Variants in CACNA2D3 observed in about 807,000 individuals in gnomAD.
The protein encoded by CACNA2D3 is calcium voltage-gated channel auxiliary subunit alpha2delta 3.
In CACNA2D3, 60 loss-of-function variants were observed where a neutral mutation model predicts 160.6. That is an observed-to-expected ratio of 0.37 (90% confidence interval 0.30 to 0.46). The LOEUF (loss-of-function observed/expected upper bound fraction) is 0.46. CACNA2D3 is among the 20% of genes least tolerant of loss of function. The probability of loss-of-function intolerance (pLI) is 1.00; values close to 1 mark genes in which losing one functional copy is unlikely to be tolerated. For synonymous variants in CACNA2D3, 558 were observed against 492.9 expected (o/e 1.13, Z -1.75); for missense variants, 1,205 against 1,365.0 (o/e 0.88, Z 1.85).
At position 54,736,105 on chromosome 3, in the gene CACNA2D3, A is replaced by G. The variant is rs1195564256; in HGVS notation, c.1168-16494A>G. Among the ~76,000 whole-genome samples, 65 of 25,952 alleles carry G rather than the reference A, an allele frequency of 2.5e-3. 9 individuals are homozygous for G. The highest frequency in any genetic ancestry group is 2.8e-3 in the East Asian group (4 of 1,418). The allele number at this position is 25,952 out of a possible 152,430, so 17.0% of individuals were successfully genotyped here. A position where few individuals can be genotyped will look rare whatever the true frequency, so the allele number is the denominator to read the frequency against. ...TATGTATGTGTATATATATACATAT[A>G]TATGTATATATATACATATATATAT... On this transcript the variant is annotated intron_variant, in intron 11 of 37. Coordinates refer to ENST00000474759, the MANE Select transcript of CACNA2D3 (RefSeq NM_018398.3).
chr3:54,323,470 T>TTC (rs1339354538), intron 3 of CACNA2D3, among the ~76,000 whole-genome samples: 12 of 147,066 alleles, frequency 8.2e-5, no homozygotes, highest in African/African-American at 2.0e-4. Flanking sequence ...TTTCTTTTCT[T>TTC]TTTTTTTTTT....
intron 4 of CACNA2D3, among the ~76,000 whole-genome samples, chr3:54,464,227 G>A (rs1232401721): frequency 1.3e-5 from 2 of 152,208 alleles, no homozygotes; most frequent in Non-Finnish European, 2.9e-5. Flanking sequence ...CAGGGGTCAG[G>A]GACCCACTTG....
intron 2 of CACNA2D3, among the ~76,000 whole-genome samples, chr3:54,169,612 A>G (rs1038648107): frequency 6.6e-6 from 1 of 152,220 alleles, no homozygotes; most frequent in African/African-American, 2.4e-5. Context: ...AATAAAGACA[A>G]CAGAGAACAG....
At chr3:54,545,690 T>G (rs1302188112) in intron 5 of CACNA2D3, among the ~76,000 whole-genome samples, 1 of 152,230 alleles carries the variant, frequency 6.6e-6, no homozygotes, top group Non-Finnish European at 1.5e-5. Flanking sequence ...TGGGGAATGA[T>G]CCTGACCAAT....
chr3:54,973,529 C>A (rs189448839), intron 29 of CACNA2D3, among the ~76,000 whole-genome samples: 75 of 152,294 alleles, frequency 4.9e-4, no homozygotes, highest in Admixed American at 1.1e-3. Context: ...TATTAAAAAT[C>A]TCTAAGACTT....
intron 10 of CACNA2D3, among the ~76,000 whole-genome samples, chr3:54,630,989 G>A (rs970733198): frequency 2.6e-5 from 4 of 152,120 alleles, no homozygotes; most frequent in Admixed American, 6.5e-5. Flanking sequence ...ATCACCAGAG[G>A]TCCGGGGTTC....
chr3:54,743,112 A>G (rs976474983), intron 11 of CACNA2D3, among the ~76,000 whole-genome samples: 4 of 152,216 alleles, frequency 2.6e-5, no homozygotes, highest in African/African-American at 9.6e-5. Flanking sequence ...AATTTCCCAA[A>G]TTTGTGAAAA....
intron 11 of CACNA2D3, among the ~76,000 whole-genome samples, chr3:54,727,016 C>G (rs1159288769): frequency 1.3e-5 from 2 of 152,144 alleles, no homozygotes; most frequent in Non-Finnish European, 2.9e-5. Context: ...ATCTATCCAG[C>G]TGACAAAGGG....
At chr3:55,060,072 A>T (rs759853207) in intron 35 of CACNA2D3, among the ~76,000 whole-genome samples, 2 of 152,088 alleles carry the variant, frequency 1.3e-5, no homozygotes, top group Non-Finnish European at 2.9e-5. Context: ...ACCAGTTTCC[A>T]GGCTTGAAGG....
intron 29 of CACNA2D3, among the ~76,000 whole-genome samples, chr3:54,976,572 A>G (rs534420774): frequency 6.6e-6 from 1 of 152,204 alleles, no homozygotes; most frequent in Non-Finnish European, 1.5e-5. Context: ...TGAGGTTTTC[A>G]TGAGTCGATG....
intron 27 of CACNA2D3, among the ~76,000 whole-genome samples, chr3:54,955,827 G>A (rs773666661): frequency 3.9e-5 from 6 of 152,160 alleles, no homozygotes; most frequent in Admixed American, 6.5e-5. Flanking sequence ...CCCACCCTCA[G>A]GAGACCTGAC....
At chr3:54,222,182 G>A (rs1011495839) in intron 2 of CACNA2D3, among the ~76,000 whole-genome samples, 2 of 152,184 alleles carry the variant, frequency 1.3e-5, no homozygotes, top group African/African-American at 4.8e-5. Context: ...AATTACGGAG[G>A]CTGACAAGTT....
intron 27 of CACNA2D3, among the ~76,000 whole-genome samples, chr3:54,949,358 A>AG (rs1403855726): frequency 1.3e-5 from 2 of 152,184 alleles, no homozygotes; most frequent in African/African-American, 4.8e-5. Context: ...TGCTGAAAAA[A>AG]GGGGACATGC....
At chr3:54,346,300 G>A (rs182821989) in intron 3 of CACNA2D3, among the ~76,000 whole-genome samples, 2 of 152,274 alleles carry the variant, frequency 1.3e-5, no homozygotes, top group East Asian at 3.9e-4. Context: ...TCAGCACCAG[G>A]GAGCACAGCT....
intron 2 of CACNA2D3, among the ~76,000 whole-genome samples, chr3:54,300,537 G>C (rs763346374): frequency 6.6e-6 from 1 of 152,214 alleles, no homozygotes; most frequent in African/African-American, 2.4e-5. Flanking sequence ...TTCTAATCCG[G>C]TCCATTGTTC....
At chr3:54,641,222 T>C (rs924590189) in intron 10 of CACNA2D3, among the ~76,000 whole-genome samples, 22 of 152,184 alleles carry the variant, frequency 1.4e-4, no homozygotes, top group African/African-American at 5.1e-4. Flanking sequence ...GGCAAAGACA[T>C]AATACATGTA....
intron 5 of CACNA2D3, among the ~76,000 whole-genome samples, chr3:54,525,259 C>T (rs934183069): frequency 6.6e-6 from 1 of 152,084 alleles, no homozygotes; most frequent in Non-Finnish European, 1.5e-5. Flanking sequence ...TTCCTTCATG[C>T]CGTTTTTGGC....
intron 11 of CACNA2D3, among the ~76,000 whole-genome samples, chr3:54,676,894 A>G (rs1463028941): frequency 6.6e-6 from 1 of 152,188 alleles, no homozygotes; most frequent in Non-Finnish European, 1.5e-5. Context: ...AACTGAGGTA[A>G]AATAAATTTT....
chr3:54,773,796 T>G (rs1702364803), intron 13 of CACNA2D3, among the ~76,000 whole-genome samples: 1 of 152,200 alleles, frequency 6.6e-6, no homozygotes, highest in South Asian at 2.1e-4. Context: ...TTAAACAGAG[T>G]TGGTATTATA....
Sources: gnomAD v4.1 joint callset for allele counts (sites outside exome capture counted in the v4.1 genomes callset) on GRCh38, gnomAD v4.1.1 for gene constraint, MANE v1.5 for transcripts, NCBI Gene and HGNC (gene_info 2026-07-23, HGNC 2026-07-21) for gene names.